The following SETX variants were observed in gnomAD, a reference collection of about 807,000 sequenced individuals.
SETX encodes the protein senataxin, also known as helicase senataxin.
In SETX, 90 loss-of-function variants were observed where a neutral mutation model predicts 227.2. That is an observed-to-expected ratio of 0.40 (90% CI 0.33 to 0.47). The LOEUF (loss-of-function observed/expected upper bound fraction) is 0.47, where lower values mean the gene tolerates loss of function less well. Ranked by LOEUF, SETX falls within the 20% of genes least tolerant of loss-of-function variation. The pLI, the probability that SETX is intolerant of heterozygous loss-of-function variation, is 0.91. For synonymous variants in SETX, 1,210 were observed against 1,113.2 expected, an observed-to-expected ratio of 1.09 and a Z score of -1.73; for missense variants, 3,052 against 3,181.5, an observed-to-expected ratio of 0.96 and a Z score of 0.98.
chr9:132,326,580 T>C lies in SETX; in HGVS notation c.5018A>G (p.Lys1673Arg). 6.2e-7 allele frequency: 1 copy of C among 1,614,252 alleles called. No individual in the cohort carries two copies. Among genetic ancestry groups the C allele is most frequent in the Non-Finnish European group, 8.5e-7 (1 of 1,180,048 alleles). Residue 1673 changes from lysine to arginine, a missense_variant, in exon 10 of 26, where the codon AAA becomes AGA. By Grantham distance (26) the Lys-to-Arg change is conservative. Around this residue, in one of 10 missense-constraint regions of SETX, gnomAD observed 1,483 missense variants for 1,312.0 expected, o/e 1.13. Transcript: ENST00000224140. Reference sequence around the variant, plus strand: ...ATATTTGCTTTCACCAAATGGAACTTTGCAACCTTGCCTGTTGGAATTATT... The same window carrying C: ...ATATTTGCTTTCACCAAATGGAACTCTGCAACCTTGCCTGTTGGAATTATT... Reference protein sequence around the residue: ...SPNNSNRQGCKVPFGESKYFP... With the variant: ...SPNNSNRQGCRVPFGESKYFP...
intron 2 of SETX, among the ~76,000 whole-genome samples, chr9:132,353,270 G>A (rs1848693126): frequency 6.6e-6 from 1 of 151,950 alleles, no homozygotes; most frequent in Non-Finnish European, 1.5e-5. Context: ...ATGGTGACTG[G>A]TATTCCCTGC....
At chr9:132,308,227 T>C (rs746840421) in intron 11 of SETX, among the ~76,000 whole-genome samples, 17 of 152,324 alleles carry the variant, frequency 1.1e-4, no homozygotes, top group Non-Finnish European at 1.9e-4. Context: ...CTGCTGCTGA[T>C]GGAACATACC....
chr9:132,348,359 T>A (rs1228321455), intron 3 of SETX, among the ~76,000 whole-genome samples: 3 of 63,714 alleles, frequency 4.7e-5, no homozygotes, highest in African/African-American at 1.2e-4. Context: ...TGAGACTCTG[T>A]CTCAAAAAAA....
chr9:132,315,604 T>C (rs1845918755), intron 10 of SETX, among the ~76,000 whole-genome samples: 1 of 152,220 alleles, frequency 6.6e-6, no homozygotes, highest in African/African-American at 2.4e-5. Flanking sequence ...GCCCCCTTTT[T>C]CCTGCTCCCA....
intron 22 of SETX, among the ~76,000 whole-genome samples, chr9:132,275,779 A>G (rs1456613178): frequency 1.3e-5 from 2 of 152,226 alleles, no homozygotes; most frequent in Non-Finnish European, 2.9e-5. Flanking sequence ...AAAGATGTGA[A>G]TAAGAGATAG....
chr9:132,278,304 T>A (rs1177284237), intron 20 of SETX, 47 bp from the exon 21 acceptor site: 2 of 1,581,072 alleles, frequency 1.3e-6, no homozygotes, highest in Non-Finnish European at 1.7e-6. Context: ...TTCATTTATA[T>A]CTTTCCCACT....
rs1435277059 is a variant in SETX at position 132,264,475 on chromosome 9, G to A, written c.7798C>T (p.His2600Tyr). 1 of 1,613,804 alleles carries A rather than the reference G, an allele frequency of 6.2e-7. No individual in the cohort carries two copies. The highest frequency in any genetic ancestry group is 1.1e-5 in the South Asian group (1 of 91,074). The change falls in exon 26 of 26, where the codon CAC (histidine) becomes TAC (tyrosine). Residue 2600 changes from histidine (H) to tyrosine (Y), a missense_variant. His to Tyr is a moderately conservative substitution (Grantham distance 83, BLOSUM62 2). This residue lies in a region of SETX where 294 missense variants were observed against 278.8 expected (regional missense o/e 1.05). Coordinates refer to ENST00000224140, the MANE Select transcript of SETX (RefSeq NM_015046.7). ...GGTTCGCCCCGCACGGGAGGTTTGTGGCTGCTCAGAGCAGCCACTACAGCA... is the reference window on the plus strand; with the variant it reads ...GGTTCGCCCCGCACGGGAGGTTTGTAGCTGCTCAGAGCAGCCACTACAGCA... Reference protein sequence around the residue: ...PAAVVAALSSHKPPVRGEPPA... With the variant: ...PAAVVAALSSYKPPVRGEPPA...
chr9:132,288,452 G>GAATTAGTCTGGCTTTGGGA, intron 16 of SETX, 98 bp downstream of exon 16: 1 of 1,400,664 alleles, frequency 7.1e-7, no homozygotes, highest in Non-Finnish European at 1.0e-6. Context: ...CCCAAAGCCA[G>GAATTAGTCTGGCTTTGGGA]ACTAATTCTG....
At chr9:132,314,989 T>C (rs1845887242) in intron 10 of SETX, among the ~76,000 whole-genome samples, 2 of 143,308 alleles carry the variant, frequency 1.4e-5, no homozygotes. Context: ...CTCAGCTCAC[T>C]GCAACCGCCA....
At position 132,330,470 on chromosome 9, in the gene SETX, TG is replaced by T; in HGVS notation, c.1127del (p.Pro376GlnfsTer14). 1 of 1,613,554 alleles carries T rather than the reference TG, an allele frequency of 6.2e-7. No individual in the cohort carries two copies. Among genetic ancestry groups the T allele is most frequent in the Non-Finnish European group, 8.5e-7 (1 of 1,179,982 alleles). ...KDSGWRTAIC[P>X]DYCPNMYEEM... is the part of the protein sequence containing the mutation. ...CTTCATACATGTTAGGACAATAATCTGGGCAAATGGCTGTTCTCCATCCAGA... is the reference window on the plus strand; with the variant it reads ...CTTCATACATGTTAGGACAATAATCTGGCAAATGGCTGTTCTCCATCCAGA... On this transcript the variant is annotated frameshift_variant, in exon 10 of 26. Coordinates refer to ENST00000224140, the MANE Select transcript of SETX (RefSeq NM_015046.7). LOFTEE classifies it high-confidence loss of function.
intron 22 of SETX, among the ~76,000 whole-genome samples, chr9:132,276,214 C>CT (rs1380166035): frequency 2.6e-5 from 4 of 152,196 alleles, no homozygotes; most frequent in Non-Finnish European, 5.9e-5. Flanking sequence ...AGCTAGCGAT[C>CT]TCTTCCATCC....
intron 11 of SETX, among the ~76,000 whole-genome samples, chr9:132,301,970 A>T (rs968727713): frequency 9.2e-5 from 14 of 152,208 alleles, no homozygotes; most frequent in Non-Finnish European, 1.9e-4. Context: ...CAAATGAAGA[A>T]ATGTACTAAG....
intron 5 of SETX, among the ~76,000 whole-genome samples, chr9:132,339,915 A>G (rs1554823963): frequency 6.6e-6 from 1 of 152,128 alleles, no homozygotes; most frequent in Non-Finnish European, 1.5e-5. Flanking sequence ...GTGCCCAGCC[A>G]TATCTCCGGT....
rs1414167132 is a variant in SETX at position 132,354,979 on chromosome 9, G to A, written c.-177C>T. On this transcript the variant is annotated 5_prime_UTR_variant, in exon 1 of 26. Coordinates refer to ENST00000224140, the MANE Select transcript of SETX (RefSeq NM_015046.7). ...TACCGGGCCCCGCTCTAGGCCACCA[G>A]CGGAAGTGCGGGCCCGCAGCCGCAG... The A allele has an allele frequency of 6.6e-6, 1 of 152,302 alleles. No homozygotes were observed. The highest frequency in any genetic ancestry group is 1.5e-5 in the Non-Finnish European group (1 of 68,112). The allele number at this position is 152,302 out of a possible 1,614,324, so 9.4% of individuals were successfully genotyped here.
chr9:132,324,257 GA>G (rs940280701), intron 10 of SETX, among the ~76,000 whole-genome samples: 6 of 149,332 alleles, frequency 4.0e-5, no homozygotes, highest in South Asian at 2.1e-4. Context: ...AGTACCTTAG[GA>G]AAAAAAAATA....
At chr9:132,345,846 C>T (rs1220817019) in intron 4 of SETX, among the ~76,000 whole-genome samples, 1 of 152,134 alleles carries the variant, frequency 6.6e-6, no homozygotes, top group Non-Finnish European at 1.5e-5. Context: ...GAAACTTCAT[C>T]TCTACAATAA....
intron 1 of SETX, among the ~76,000 whole-genome samples, chr9:132,354,708 C>A (rs1438794581): frequency 6.6e-6 from 1 of 151,982 alleles, no homozygotes; most frequent in African/African-American, 2.4e-5. Context: ...GGGTCCAGCG[C>A]GCAGGAAGGC....
At position 132,326,439 on chromosome 9, in the gene SETX, C is replaced by G; in HGVS notation, c.5159G>C (p.Gly1720Ala). 1 of 1,614,080 alleles carries G rather than the reference C, an allele frequency of 6.2e-7. No homozygotes were observed. The highest frequency in any genetic ancestry group is 1.1e-5 in the South Asian group (1 of 91,070). The change falls in exon 10 of 26, where the codon GGG becomes GCG. Residue 1720 changes from glycine to alanine, a missense_variant. Coordinates refer to ENST00000224140, the MANE Select transcript of SETX (RefSeq NM_015046.7). ...YEMFLNFGQC[G>A]PPASLCQSIS... ...GGACTGACAAAGACTTGCAGGGGGCCCACACTGACCAAAGTTCAAAAACAT... is the reference window on the plus strand; with the variant it reads ...GGACTGACAAAGACTTGCAGGGGGCGCACACTGACCAAAGTTCAAAAACAT...
At chr9:132,295,368 A>C (rs1844607728) in intron 15 of SETX, among the ~76,000 whole-genome samples, 2 of 152,202 alleles carry the variant, frequency 1.3e-5, no homozygotes, top group South Asian at 4.1e-4. Context: ...GTTTTCAATA[A>C]GCTTGTGCTT....
Sources: gnomAD v4.1 joint callset for allele counts (sites outside exome capture counted in the v4.1 genomes callset) on GRCh38, gnomAD v4.1.1 for gene constraint, gnomAD v4.1.1 regional missense constraint, MANE v1.5 for transcripts, NCBI Gene and HGNC (gene_info 2026-07-23, HGNC 2026-07-21) for gene names.